The following REDIC1 variants were observed in gnomAD, a reference collection of about 807,000 sequenced individuals.
REDIC1 encodes regulator of DNA class I crossover intermediates 1.
the REDIC1 span, among the ~76,000 whole-genome samples, chr12:39,737,782 G>A: frequency 6.6e-6 from 1 of 152,148 alleles, no homozygotes; most frequent in East Asian, 1.9e-4. Flanking sequence ...GTTGAACTAG[G>A]TATTATCCAT....
the REDIC1 span, among the ~76,000 whole-genome samples, chr12:39,904,082 T>C: frequency 6.6e-6 from 1 of 152,032 alleles, no homozygotes; most frequent in Non-Finnish European, 1.5e-5. Context: ...AGAGCAAAGG[T>C]CACAGGTTCA....
chr12:39,687,045 C>T, the REDIC1 span, among the ~76,000 whole-genome samples: 1 of 152,210 alleles, frequency 6.6e-6, no homozygotes, highest in Non-Finnish European at 1.5e-5. Context: ...GAGACCTCCT[C>T]AGCCTCAACT....
the REDIC1 span, among the ~76,000 whole-genome samples, chr12:39,784,260 T>C: frequency 6.6e-6 from 1 of 152,200 alleles, no homozygotes; most frequent in Non-Finnish European, 1.5e-5. Context: ...AGAGCCCGCA[T>C]TGCCAAGTCA....
At chr12:39,732,167 A>C in the REDIC1 span, among the ~76,000 whole-genome samples, 1 of 152,228 alleles carries the variant, frequency 6.6e-6, no homozygotes, top group Non-Finnish European at 1.5e-5. Context: ...TATGTCTTTT[A>C]GATCTCTTTT....
chr12:39,632,664 T>C, the REDIC1 span, among the ~76,000 whole-genome samples: 1 of 152,190 alleles, frequency 6.6e-6, no homozygotes, highest in African/African-American at 2.4e-5. Flanking sequence ...CATCATAGAC[T>C]GTGCTTACAG....
chr12:39,893,703 T>C, the REDIC1 span, among the ~76,000 whole-genome samples: 1 of 152,258 alleles, frequency 6.6e-6, no homozygotes, highest in Non-Finnish European at 1.5e-5. Context: ...ATAAAGATTA[T>C]GTGCTTTTTC....
chr12:39,711,699 G>C, the REDIC1 span, among the ~76,000 whole-genome samples: 9 of 106,494 alleles, frequency 8.5e-5, no homozygotes, highest in East Asian at 2.6e-3. Context: ...GTATGTGTAT[G>C]TGTATACACA....
At chr12:39,825,620 T>C in the REDIC1 span, among the ~76,000 whole-genome samples, 3 of 152,186 alleles carry the variant, frequency 2.0e-5, no homozygotes, top group Non-Finnish European at 4.4e-5. Context: ...AGAACACGGT[T>C]CATAGTATTC....
the REDIC1 span, among the ~76,000 whole-genome samples, chr12:39,772,836 A>C: frequency 1.2e-4 from 18 of 150,340 alleles, no homozygotes; most frequent in Admixed American, 6.7e-5. Context: ...CTGGCTATGC[A>C]CGTTTACATG....
At chr12:39,890,844 T>A in the REDIC1 span, among the ~76,000 whole-genome samples, 3 of 152,134 alleles carry the variant, frequency 2.0e-5, no homozygotes, top group African/African-American at 7.2e-5. Flanking sequence ...TGAAAAATGT[T>A]TTAAAATAAT....
chr12:39,871,774 T>C, the REDIC1 span: 1 of 1,578,698 alleles, frequency 6.3e-7, no homozygotes, highest in African/African-American at 1.4e-5. Context: ...AGTTTATAAT[T>C]GAATTCTTTA....
the REDIC1 span, among the ~76,000 whole-genome samples, chr12:39,678,903 TTA>T: frequency 6.6e-6 from 1 of 152,138 alleles, no homozygotes; most frequent in South Asian, 2.1e-4. Context: ...TAGTATCACT[TTA>T]TGATTAAAAC....
the REDIC1 span, among the ~76,000 whole-genome samples, chr12:39,714,339 C>A: frequency 0.81 from 22,865 of 28,128 alleles, 10,189 homozygotes; most frequent in African/African-American, 0.92. Context: ...GTATATATGT[C>A]TGAATATATG....
chr12:39,722,935 G>A, the REDIC1 span, among the ~76,000 whole-genome samples: 3 of 152,132 alleles, frequency 2.0e-5, no homozygotes, highest in East Asian at 1.9e-4. Flanking sequence ...TATGATTTAG[G>A]ATGGAGACGT....
At chr12:39,874,974 C>A in the REDIC1 span, among the ~76,000 whole-genome samples, 25 of 152,210 alleles carry the variant, frequency 1.6e-4, no homozygotes, top group African/African-American at 6.0e-4. Context: ...GTATCTCCCT[C>A]TGAGCAAGAG....
the REDIC1 span, among the ~76,000 whole-genome samples, chr12:39,662,525 T>C: frequency 6.6e-6 from 1 of 152,028 alleles, no homozygotes; most frequent in Non-Finnish European, 1.5e-5. Flanking sequence ...AAGAGCTTTT[T>C]TTTTTGGTGG....
chr12:39,867,948 G>A, the REDIC1 span, among the ~76,000 whole-genome samples: 3 of 152,094 alleles, frequency 2.0e-5, no homozygotes, highest in African/African-American at 4.8e-5. Context: ...TATCTTAAAC[G>A]ACTTTATTTA....
At chr12:39,900,592 C>T in the REDIC1 span, among the ~76,000 whole-genome samples, 2,212 of 152,214 alleles carry the variant, frequency 0.015, 61 homozygotes, top group African/African-American at 0.048. Context: ...TTCACAATTG[C>T]TTCAAAGAGA....
At chr12:39,755,292 T>C in the REDIC1 span, 1 of 152,100 alleles carries the variant, frequency 6.6e-6, no homozygotes, top group South Asian at 2.1e-4. Flanking sequence ...TAAATACTTA[T>C]ATTGAATTTG....
Sources: gnomAD v4.1 joint callset for allele counts (sites outside exome capture counted in the v4.1 genomes callset) on GRCh38, gnomAD v4.1.1 for gene constraint, MANE v1.5 for transcripts, NCBI Gene and HGNC (gene_info 2026-07-23, HGNC 2026-07-21) for gene names.